Variants in PAK4 observed in about 807,000 individuals in gnomAD.
The protein encoded by PAK4 is serine/threonine-protein kinase PAK 4.
Under a neutral mutation model 53.5 loss-of-function variants are expected in PAK4, and 49 were observed. The observed-to-expected ratio is 0.92, with a 90% confidence interval of 0.73 to 1.16. The LOEUF (loss-of-function observed/expected upper bound fraction) is 1.16, where lower values mean the gene tolerates loss of function less well. Among genes scored for constraint, PAK4 ranks in the 50% most tolerant of loss-of-function variants. The pLI is 0.00. For missense variants in PAK4, 824 were observed against 850.7 expected, an observed-to-expected ratio of 0.97 and a Z score of 0.39; for synonymous variants, 376 against 375.6, an observed-to-expected ratio of 1.00 and a Z score of -0.01.
Position 39,178,864 on chromosome 19 carries a change from C to G in PAK4, c.*285C>G, listed in dbSNP as rs2074664488. On this transcript the variant is annotated 3_prime_UTR_variant, in exon 9 of 9. Transcript: ENST00000358301. The surrounding 1 kb of genome is among the most constrained non-coding windows in gnomAD (Gnocchi z 4.4). Reference sequence around the variant, plus strand: ...TTCTGTCTCCAGGAAGGGCAGCGGCCCTCCCATCACTGGAAGTCTGCAGTG... The same window carrying G: ...TTCTGTCTCCAGGAAGGGCAGCGGCGCTCCCATCACTGGAAGTCTGCAGTG... The G allele has an allele frequency of 7.6e-6, 3 of 396,204 alleles. No individual in the cohort carries two copies. Among genetic ancestry groups the G allele is most frequent in the Non-Finnish European group, 4.6e-6 (1 of 219,676 alleles). The allele number at this position is 396,204 out of a possible 1,614,324, so 24.5% of individuals were successfully genotyped here.
chr19:39,177,595 G>C (rs1476292653), intron 7 of PAK4, 80 bp from the exon 9 acceptor site: 9 of 1,459,764 alleles, frequency 6.2e-6, no homozygotes, highest in Non-Finnish European at 8.3e-6. Context: ...AGACAGCGCT[G>C]GAGCGGTCCC....
Position 39,159,372 on chromosome 19 carries a change from A to G in PAK4, c.-22-10160A>G, listed in dbSNP as rs187696456. Reference sequence around the variant, plus strand: ...ATTACAGCTGTGACAGATGCTGTCAAGGGGAAGGCACGGGACATGCAGGGT... The same window carrying G: ...ATTACAGCTGTGACAGATGCTGTCAGGGGGAAGGCACGGGACATGCAGGGT... On this transcript the variant is annotated intron_variant, in intron 1 of 8. Coordinates refer to ENST00000358301, the Ensembl canonical transcript of PAK4. 6.4e-3 allele frequency among the ~76,000 whole-genome samples: 979 copies of G among 152,302 alleles called. 4 individuals carry two copies. The highest frequency in any genetic ancestry group is 0.011 in the Non-Finnish European group (738 of 68,004).
chr19:39,148,487 T>TTTTTTTTTTTTG (rs58903935), intron 1 of PAK4, among the ~76,000 whole-genome samples: 2 of 139,842 alleles, frequency 1.4e-5, no homozygotes, highest in South Asian at 2.3e-4. Flanking sequence ...TTTTTTTTTT[T>TTTTTTTTTTTTG]GAGAGAGAGT....
rs750013514 is a variant in PAK4, at chr19:39,176,733, T to C, written c.1485+18T>C. On this transcript the variant is annotated intron_variant, in intron 7 of 8. Transcript: ENST00000358301. ...GGCCAGAGGTGAGCCCCGGGGTGGCTTGGTTGTCCCGCCGTGGACAGCGTA... is the reference window on the plus strand; with the variant it reads ...GGCCAGAGGTGAGCCCCGGGGTGGCCTGGTTGTCCCGCCGTGGACAGCGTA... 12 of 1,605,376 alleles carry C rather than the reference T, an allele frequency of 7.5e-6. No individual in the cohort carries two copies. In the South Asian group the frequency reaches 1.2e-4, roughly 16 times the overall value.
intron 1 of PAK4, among the ~76,000 whole-genome samples, chr19:39,151,927 C>T (rs1327306502): frequency 6.6e-6 from 1 of 152,148 alleles, no homozygotes; most frequent in Non-Finnish European, 1.5e-5. Context: ...CGCCACCACG[C>T]GCAGCTAATT....
rs764083744 is a variant in PAK4, at chr19:39,174,016, G to C, written c.1098+6G>C. The stretch of plus-strand genomic sequence containing the variant: ...GCGAGCTGCTCTTCAACGAGGTGCG[G>C]GCGCTGCTGCCCTGCCGCCCTGCTG... On this transcript the variant is annotated splice_donor_region_variant and intron_variant, in intron 4 of 8. Transcript: ENST00000358301. 22 of 1,559,522 alleles carry C rather than the reference G, an allele frequency of 1.4e-5. No individual in the cohort carries two copies. In the African/African-American group the frequency reaches 2.1e-4, roughly 15 times the overall value.
chr19:39,126,246 T>C (rs2073575260), intron 1 of PAK4, among the ~76,000 whole-genome samples: 1 of 151,766 alleles, frequency 6.6e-6, no homozygotes, highest in African/African-American at 2.4e-5. Flanking sequence ...GGGTCAGAGG[T>C]CACAGCCCCA....
chr19:39,131,372 C>T (rs61171111), intron 1 of PAK4, among the ~76,000 whole-genome samples: 35,848 of 152,018 alleles, frequency 0.24, 4,606 homozygotes, highest in East Asian at 0.46. Context: ...ATCTACTCCT[C>T]GTCCCACTGG....
Position 39,157,507 on chromosome 19 carries a change from G to A in PAK4, c.-22-12025G>A, listed in dbSNP as rs186502816. Among the ~76,000 whole-genome samples the A allele has an allele frequency of 2.3e-3, 353 of 152,238 alleles. 1 individual carries two copies. Among genetic ancestry groups the A allele is most frequent in the African/African-American group, 7.7e-3 (320 of 41,526 alleles). ...GAGCCGCGGCCTTCCCATTTGCTGC[G>A]CATGTACTCTGAGCCAGGCTGGCTT... On this transcript the variant is annotated intron_variant, in intron 1 of 8. Transcript: ENST00000358301.
chr19:39,173,673 G>T lies in PAK4; in HGVS notation c.761G>T (p.Arg254Leu), dbSNP rs764392821. 3.2e-6 allele frequency: 5 copies of T among 1,581,042 alleles called. No individual in the cohort carries two copies. The South Asian group carries it at 4.5e-5, about 14-fold the overall frequency. The change falls in exon 4 of 9, where the codon CGA (arginine) becomes CTA (leucine). Residue 254 changes from arginine to leucine, a missense_variant. Arg to Leu is a moderately radical substitution (Grantham distance 102, BLOSUM62 -2). Transcript: ENST00000358301. The surrounding 1 kb of genome is among the most constrained non-coding windows in gnomAD (Gnocchi z 6.9). ...TCCTCCCGGCCTCCCACCCGAGCCC[G>T]AGGTGCCCCCAGCCCTGGAGTGCTG...
Position 39,158,267 on chromosome 19 carries a change from C to T in PAK4, c.-22-11265C>T, listed in dbSNP as rs867802805. 2.6e-5 allele frequency among the ~76,000 whole-genome samples: 4 copies of T among 151,278 alleles called. 1 individual carries two copies. In the South Asian group the frequency reaches 6.2e-4, roughly 23 times the overall value. On this transcript the variant is annotated intron_variant, in intron 1 of 8. Coordinates refer to ENST00000358301, the Ensembl canonical transcript of PAK4. ...CGCATGTGTGAGCATGCATGTGTTG[C>T]GGGATGGCTTCGCTCGCTGCTGTGT...
intron 1 of PAK4, among the ~76,000 whole-genome samples, chr19:39,129,015 C>G (rs2145088605): frequency 6.6e-6 from 1 of 152,338 alleles, no homozygotes; most frequent in Admixed American, 6.5e-5. Flanking sequence ...TGTTGTTTCA[C>G]AGTTCAGATA....
chr19:39,130,884 G>A lies in PAK4; in HGVS notation c.-23+4965G>A, dbSNP rs373142286. 2.0e-5 allele frequency among the ~76,000 whole-genome samples: 3 copies of A among 150,594 alleles called. 1 individual carries two copies. Among genetic ancestry groups the A allele is most frequent in the South Asian group, 4.2e-4 (2 of 4,722 alleles). On this transcript the variant is annotated intron_variant, in intron 1 of 8. Coordinates refer to ENST00000358301, the Ensembl canonical transcript of PAK4. The stretch of plus-strand genomic sequence containing the variant: ...CAGGCTGCTGTGTGGGGGACGGATC[G>A]CGGGGGGTGGCGACAGGGAGGCTGT...
intron 1 of PAK4, among the ~76,000 whole-genome samples, chr19:39,167,323 C>T (rs908825724): frequency 1.3e-5 from 2 of 152,130 alleles, no homozygotes; most frequent in African/African-American, 2.4e-5. Flanking sequence ...ACGGAGAGGC[C>T]GGAGGACATG....
intron 2 of PAK4, among the ~76,000 whole-genome samples, chr19:39,171,449 T>C (rs2074477630): frequency 6.6e-6 from 1 of 152,144 alleles, no homozygotes. Context: ...CCTCAGGTGA[T>C]CCTCAGCCTC....
At chr19:39,171,805 G>A (rs1271132903) in intron 2 of PAK4, among the ~76,000 whole-genome samples, 1 of 152,228 alleles carries the variant, frequency 6.6e-6, no homozygotes, top group Non-Finnish European at 1.5e-5. Flanking sequence ...CAGGGCCCAC[G>A]TTCTCAGCTC....
chr19:39,160,334 C>G (rs2074263739), intron 1 of PAK4, among the ~76,000 whole-genome samples: 1 of 150,776 alleles, frequency 6.6e-6, no homozygotes, highest in Non-Finnish European at 1.5e-5. Context: ...TGTGTTCCAG[C>G]CACTGCTCTA....
At chr19:39,141,923 G>A (rs151154649) in intron 1 of PAK4, among the ~76,000 whole-genome samples, 2,631 of 152,314 alleles carry the variant, frequency 0.017, 40 homozygotes, top group Middle Eastern at 0.041. Context: ...CACGGCGCCC[G>A]GCCCATTTGT....
intron 1 of PAK4, 102 bp downstream of exon 1, chr19:39,126,021 A>G (rs2073569165): frequency 6.6e-6 from 1 of 152,388 alleles, no homozygotes. Context: ...GTCAAAGGTC[A>G]CTGGTGGAGG....
Sources: gnomAD v4.1 joint callset for allele counts (sites outside exome capture counted in the v4.1 genomes callset) on GRCh38, gnomAD v4.1.1 for gene constraint, Gnocchi (gnomAD v3.1) non-coding constraint, MANE v1.5 for transcripts, NCBI Gene and HGNC (gene_info 2026-07-23, HGNC 2026-07-21) for gene names.